DHRS7B: variants seen among roughly 807,000 people sequenced by gnomAD.
The protein encoded by DHRS7B is peroxisomal reductase activating PPAR-gamma.
A neutral mutation model predicts 26.4 loss-of-function variants in DHRS7B; 24 were observed. The ratio of observed to expected loss-of-function variants is 0.91; its 90% confidence interval spans 0.66 to 1.28. DHRS7B has a LOEUF of 1.28. Ranked by LOEUF, DHRS7B falls within the 50% of genes most tolerant of loss-of-function variation. DHRS7B has a pLI of 0.00. For synonymous variants in DHRS7B, 142 were observed against 166.4 expected (o/e 0.85, Z 1.13); for missense variants, 368 against 419.4 (o/e 0.88, Z 1.07).
At chr17:21,181,461 C>T (rs2144194065) in intron 3 of DHRS7B, among the ~76,000 whole-genome samples, 1 of 152,324 alleles carries the variant, frequency 6.6e-6, no homozygotes, top group East Asian at 1.9e-4. Context: ...GGGCTAGCAT[C>T]TGGCAAGGGT....
At chr17:21,188,934 T>C in intron 6 of DHRS7B, 71 bp downstream of exon 6, 1 of 1,580,954 alleles carries the variant, frequency 6.3e-7, no homozygotes, top group Non-Finnish European at 8.6e-7. Flanking sequence ...CTGCTCTTAC[T>C]TCAGTGATTC....
intron 1 of DHRS7B, among the ~76,000 whole-genome samples, chr17:21,138,099 TATACACACACACAC>T (rs1309068661): frequency 5.7e-5 from 5 of 87,704 alleles, no homozygotes; most frequent in African/African-American, 2.7e-4. Context: ...TATATATATA[TATACACACACACAC>T]ACACACACAC....
At chr17:21,149,757 A>G (rs1341923993) in intron 1 of DHRS7B, among the ~76,000 whole-genome samples, 2 of 152,200 alleles carry the variant, frequency 1.3e-5, no homozygotes, top group African/African-American at 4.8e-5. Flanking sequence ...GGGAACCACA[A>G]TGCAAAACAC....
rs578011879 is a variant in DHRS7B at position 21,164,425 on chromosome 17, G to A, written c.21-7593G>A. Among the ~76,000 whole-genome samples the A allele has an allele frequency of 1.4e-3, 219 of 152,250 alleles. 1 individual carries two copies. The highest frequency in any genetic ancestry group is 2.5e-3 in the Non-Finnish European group (172 of 68,006). On this transcript the variant is annotated intron_variant, in intron 1 of 6. Transcript: ENST00000395511. ...GCATCTCCTTTTAAACTAGATTCCTGAACTCCTAGATTTCTGACCTCATAT... is the reference window on the plus strand; with the variant it reads ...GCATCTCCTTTTAAACTAGATTCCTAAACTCCTAGATTTCTGACCTCATAT...
chr17:21,163,095 C>T (rs1288696921), intron 1 of DHRS7B, among the ~76,000 whole-genome samples: 4 of 151,664 alleles, frequency 2.6e-5, no homozygotes, highest in Admixed American at 2.6e-4. Flanking sequence ...ACTCAGAAGG[C>T]TGAGGCAGGA....
chr17:21,171,563 A>T, intron 1 of DHRS7B: 1 of 293,594 alleles, frequency 3.4e-6, no homozygotes. Flanking sequence ...TCTGAAGAGG[A>T]TAAGAATTGG....
intron 5 of DHRS7B, 84 bp from the exon 6 acceptor site, chr17:21,188,627 G>A (rs938157931): frequency 3.6e-6 from 5 of 1,405,866 alleles, no homozygotes; most frequent in Admixed American, 4.9e-5. Context: ...AAAACAGAGA[G>A]CGTGAATGGT....
At chr17:21,153,488 G>A (rs1013123497) in intron 1 of DHRS7B, among the ~76,000 whole-genome samples, 1 of 152,184 alleles carries the variant, frequency 6.6e-6, no homozygotes, top group Non-Finnish European at 1.5e-5. Context: ...AAGGAATAAC[G>A]TTGAGAATTT....
chr17:21,172,835 C>A (rs1974290971), intron 2 of DHRS7B, among the ~76,000 whole-genome samples: 1 of 152,224 alleles, frequency 6.6e-6, no homozygotes, highest in Non-Finnish European at 1.5e-5. Flanking sequence ...GGGACCCTGG[C>A]CTGGAGTGTC....
intron 1 of DHRS7B, among the ~76,000 whole-genome samples, chr17:21,138,243 GTCTC>G (rs1260894218): frequency 1.0e-5 from 1 of 99,444 alleles, no homozygotes; most frequent in African/African-American, 4.1e-5. Flanking sequence ...TTGAGATGGA[GTCTC>G]TCTCTGTTGC....
intron 2 of DHRS7B, chr17:21,172,457 G>C (rs1304737695): frequency 2.0e-6 from 1 of 505,428 alleles, no homozygotes; most frequent in Non-Finnish European, 3.6e-6. Flanking sequence ...GGGGTGGGGT[G>C]GGATGGGATA....
rs999376348 is a variant in DHRS7B, at chr17:21,183,652, T to A, written c.368T>A (p.Val123Asp). ...GACCTCACAGACTCTGGGGCCATAG[T>A]TGCAGCAGCAGCTGAGATCCTGCAG... Reference protein sequence around the residue: ...TFDLTDSGAIVAAAAEILQCF... With the variant: ...TFDLTDSGAIDAAAAEILQCF... The change falls in exon 4 of 7, where the codon GTT becomes GAT. Residue 123 changes from valine to aspartate, a missense_variant. Transcript: ENST00000395511. The A allele has an allele frequency of 6.2e-7, 1 of 1,614,104 alleles. No homozygotes were observed. The highest frequency in any genetic ancestry group is 1.3e-5 in the African/African-American group (1 of 75,060).
At position 21,183,759 on chromosome 17, in the gene DHRS7B, G is replaced by T. The variant is rs200571409; in HGVS notation, c.475G>T (p.Asp159Tyr). The change falls in exon 4 of 7, where the codon GAC (aspartate) becomes TAC (tyrosine). Residue 159 changes from aspartate (D) to tyrosine (Y), a missense_variant. By Grantham distance (160) the Asp-to-Tyr change is radical. Transcript: ENST00000395511. ...GTIMDTTVDV[D>Y]KRVMETNYFG... Reference sequence around the variant, plus strand: ...CATCATGGACACCACAGTGGATGTGGACAAGAGGGTCATGGAGACAAACTA... The same window carrying T: ...CATCATGGACACCACAGTGGATGTGTACAAGAGGGTCATGGAGACAAACTA... 6.2e-7 allele frequency: 1 copy of T among 1,614,230 alleles called. No individual in the cohort carries two copies. The highest frequency in any genetic ancestry group is 1.7e-5 in the Admixed American group (1 of 60,030).
At chr17:21,136,564 T>A (rs140040425) in intron 1 of DHRS7B, among the ~76,000 whole-genome samples, 5,431 of 142,944 alleles carry the variant, frequency 0.038, 143 homozygotes, top group Middle Eastern at 0.087. Context: ...TTTGTTTGTT[T>A]GTTTTGAGAT....
At chr17:21,180,674 G>C (rs1468590774) in intron 3 of DHRS7B, among the ~76,000 whole-genome samples, 1 of 151,936 alleles carries the variant, frequency 6.6e-6, no homozygotes, top group Non-Finnish European at 1.5e-5. Context: ...GAGCATGAGG[G>C]TAGGAAGGGG....
intron 1 of DHRS7B, among the ~76,000 whole-genome samples, chr17:21,133,181 G>T (rs963515531): frequency 6.6e-6 from 1 of 152,198 alleles, no homozygotes; most frequent in Non-Finnish European, 1.5e-5. Context: ...CAATAGCCAT[G>T]TATGGTACTG....
intron 1 of DHRS7B, among the ~76,000 whole-genome samples, chr17:21,137,919 A>T (rs1428905566): frequency 1.3e-5 from 2 of 150,532 alleles, no homozygotes; most frequent in Non-Finnish European, 3.0e-5. Flanking sequence ...TTTTTAGTAG[A>T]GATGGCATTT....
intron 1 of DHRS7B, among the ~76,000 whole-genome samples, chr17:21,151,110 G>A (rs959442514): frequency 1.3e-5 from 2 of 152,174 alleles, no homozygotes; most frequent in African/African-American, 4.8e-5. Flanking sequence ...TTACGCATCA[G>A]ATACAAGGGA....
At chr17:21,141,212 G>T (rs960346935) in intron 1 of DHRS7B, among the ~76,000 whole-genome samples, 1 of 152,066 alleles carries the variant, frequency 6.6e-6, no homozygotes, top group Admixed American at 6.6e-5. Context: ...GGAGGCCACC[G>T]GTCACCCAGG....
Sources: gnomAD v4.1 joint callset for allele counts (sites outside exome capture counted in the v4.1 genomes callset) on GRCh38, gnomAD v4.1.1 for gene constraint, MANE v1.5 for transcripts, NCBI Gene and HGNC (gene_info 2026-07-23, HGNC 2026-07-21) for gene names.